FAT1: variants seen among roughly 807,000 people sequenced by gnomAD.
The protein encoded by FAT1 is FAT atypical cadherin 1.
In FAT1, 171 loss-of-function variants were observed where a neutral mutation model predicts 329.8. That is an observed-to-expected ratio of 0.52 (90% CI 0.46 to 0.59). The LOEUF (loss-of-function observed/expected upper bound fraction) is 0.59. FAT1 is among the 20% of genes least tolerant of loss of function. The probability of loss-of-function intolerance (pLI) is 0.00; values close to 1 mark genes in which losing one functional copy is unlikely to be tolerated. For synonymous variants in FAT1, 2,233 were observed against 2,228.6 expected, an observed-to-expected ratio of 1.00 and a Z score of -0.06; for missense variants, 5,672 against 5,774.4, an observed-to-expected ratio of 0.98 and a Z score of 0.57.
At chr4:186,714,689 C>T (rs544493717) in intron 1 of FAT1, among the ~76,000 whole-genome samples, 1 of 152,192 alleles carries the variant, frequency 6.6e-6, no homozygotes, top group Admixed American at 6.5e-5. Context: ...GGAAAGGGAA[C>T]CACAGCATAG....
rs775359684 is a variant in FAT1 at position 186,639,800 on chromosome 4, G to C, written c.3581-17C>G. ...TGATGAGACCTGTAAAATGATAACA[G>C]TTCATTAATCCTCACAAAATAAGGT... On this transcript the variant is annotated splice_polypyrimidine_tract_variant and intron_variant, in intron 3 of 26. Transcript: ENST00000441802. The C allele has an allele frequency of 6.3e-7, 1 of 1,597,232 alleles. No individual in the cohort carries two copies. Among genetic ancestry groups the C allele is most frequent in the East Asian group, 2.2e-5 (1 of 44,656 alleles).
chr4:186,696,450 T>C (rs775644819), intron 2 of FAT1, among the ~76,000 whole-genome samples: 3 of 152,148 alleles, frequency 2.0e-5, no homozygotes, highest in Non-Finnish European at 2.9e-5. Context: ...AAGAGGATCA[T>C]GGGACAAACA....
At position 186,600,214 on chromosome 4, in the gene FAT1, T is replaced by C. The variant is rs1738743326; in HGVS notation, c.11787A>G (p.Gln3929=). ...GGGCTGTGCCCGATGCAGTATGAAC[T>C]TGGTCTAGAACCAAGCGAGCATAGT... is the stretch of plus-strand genomic sequence containing the variant. ...NGNYARLVLD[Q]VHTASGTAPG... Residue 3929 remains glutamine (Q), a synonymous_variant, in exon 22 of 27, where the codon CAA becomes CAG. Transcript: ENST00000441802. 1 of 1,614,078 alleles carries C rather than the reference T, an allele frequency of 6.2e-7. No homozygotes were observed. Among genetic ancestry groups the C allele is most frequent in the South Asian group, 1.1e-5 (1 of 91,088 alleles).
At chr4:186,699,528 G>A (rs546086808) in intron 2 of FAT1, among the ~76,000 whole-genome samples, 1 of 152,308 alleles carries the variant, frequency 6.6e-6, no homozygotes, top group Non-Finnish European at 1.5e-5. Flanking sequence ...TGTCACTGCT[G>A]TGAAACTGGA....
chr4:186,599,995 C>T lies in FAT1; in HGVS notation c.12006G>A (p.Ser4002=), dbSNP rs780198819. 27 of 1,613,858 alleles carry T rather than the reference C, an allele frequency of 1.7e-5. No individual in the cohort carries two copies. The highest frequency in any genetic ancestry group is 4.0e-5 in the African/African-American group (3 of 74,916). ...KPRSYAHIEE[S]VDVSPGCFLT... ...GGAAGCAGCCTGGAGATACATCCACCGACTCTTCGATGTGTGCATAGCTTC... is the reference window on the plus strand; with the variant it reads ...GGAAGCAGCCTGGAGATACATCCACTGACTCTTCGATGTGTGCATAGCTTC... The change falls in exon 22 of 27, where the codon TCG becomes TCA. Residue 4002 remains serine (S), a synonymous_variant. Transcript: ENST00000441802.
At chr4:186,599,833 G>T in intron 22 of FAT1, 65 bp downstream of exon 22, 1 of 1,234,638 alleles carries the variant, frequency 8.1e-7, no homozygotes. Flanking sequence ...AAAAATACCT[G>T]GGGAGCTTCC....
intron 3 of FAT1, among the ~76,000 whole-genome samples, chr4:186,653,143 T>C (rs1741747420): frequency 6.6e-6 from 1 of 152,142 alleles, no homozygotes; most frequent in African/African-American, 2.4e-5. Flanking sequence ...ATGGGGGAGA[T>C]GATAAAGACC....
chr4:186,620,099 C>T lies in FAT1; in HGVS notation c.6487G>A (p.Ala2163Thr), dbSNP rs2126512372. The T allele has an allele frequency of 6.2e-7, 1 of 1,613,986 alleles. No individual in the cohort carries two copies. The highest frequency in any genetic ancestry group is 8.5e-7 in the Non-Finnish European group (1 of 1,179,896). ...TVVAKDGGNP[A>T]FSAEVIVPIT... ...GGAACGATAACTTCCGCTGAAAAGG[C>T]CGGGTTCCCTCCATCTTTTGCAACC... The change falls in exon 10 of 27, where the codon GCC (alanine) becomes ACC (threonine). Residue 2163 changes from alanine (A) to threonine (T), a missense_variant. Physicochemically the swap from Ala to Thr is moderately conservative, Grantham distance 58. Transcript: ENST00000441802.
intron 4 of FAT1, among the ~76,000 whole-genome samples, chr4:186,638,361 T>A (rs1015173483): frequency 6.6e-5 from 10 of 152,156 alleles, no homozygotes; most frequent in African/African-American, 2.4e-4. Context: ...TGGAGCAAAA[T>A]GTCAGTGTAA....
chr4:186,712,629 C>A (rs1011392701), intron 1 of FAT1, among the ~76,000 whole-genome samples: 1 of 152,080 alleles, frequency 6.6e-6, no homozygotes, highest in Non-Finnish European at 1.5e-5. Context: ...CAAAGAGAGA[C>A]CAGGGTCAGG....
intron 2 of FAT1, among the ~76,000 whole-genome samples, chr4:186,668,185 C>G (rs1265920171): frequency 6.6e-6 from 1 of 152,134 alleles, no homozygotes; most frequent in Non-Finnish European, 1.5e-5. Flanking sequence ...GCTTTTTAAT[C>G]TGTCAGCCCA....
intron 7 of FAT1, among the ~76,000 whole-genome samples, chr4:186,632,199 A>C (rs887397164): frequency 2.6e-5 from 4 of 152,236 alleles, no homozygotes; most frequent in Admixed American, 1.3e-4. Flanking sequence ...ATTTCATGCT[A>C]AACTTTTAAC....
intron 13 of FAT1, 35 bp downstream of exon 13, chr4:186,613,074 G>A: frequency 6.9e-7 from 1 of 1,457,550 alleles, no homozygotes; most frequent in Non-Finnish European, 9.5e-7. Context: ...GGATCTCAGT[G>A]AGCAGCGTCA....
Position 186,708,557 on chromosome 4 carries a change from T to C in FAT1, c.1271A>G (p.Glu424Gly). 1 of 1,613,970 alleles carries C rather than the reference T, an allele frequency of 6.2e-7. No homozygotes were observed. Among genetic ancestry groups the C allele is most frequent in the Non-Finnish European group, 8.5e-7 (1 of 1,179,884 alleles). ...GGCTGCCTGCTGTCTTTTAACTGGT[T>C]CTAAAATAGAAATGAGACCAGTGTT... ...NYNTGLISIL[E>G]PVKRQQAAHF... is the part of the protein sequence containing the mutation. Residue 424 changes from glutamate to glycine, a missense_variant, in exon 2 of 27, where the codon GAA (glutamate) becomes GGA (glycine). Transcript: ENST00000441802.
chr4:186,676,286 AAAAC>A (rs1313247109), intron 2 of FAT1, among the ~76,000 whole-genome samples: 1 of 150,648 alleles, frequency 6.6e-6, no homozygotes, highest in Non-Finnish European at 1.5e-5. Flanking sequence ...GTGAAAAAAA[AAAAC>A]AAAAAAAAAC....
chr4:186,599,198 T>TG (rs1738673757), intron 22 of FAT1, among the ~76,000 whole-genome samples: 2 of 152,186 alleles, frequency 1.3e-5, no homozygotes, highest in African/African-American at 2.4e-5. Flanking sequence ...CCTGGCCCAC[T>TG]CTACGCACAC....
At chr4:186,628,880 C>A in intron 7 of FAT1, 117 bp from the exon 8 acceptor site, 3 of 1,010,122 alleles carry the variant, frequency 3.0e-6, no homozygotes, top group Non-Finnish European at 4.2e-6. Context: ...AAATAAAATA[C>A]GAGAAAGGCA....
intron 10 of FAT1, among the ~76,000 whole-genome samples, chr4:186,617,457 T>A (rs1739767389): frequency 6.6e-6 from 1 of 152,218 alleles, no homozygotes; most frequent in African/African-American, 2.4e-5. Context: ...ATATTTATTA[T>A]ACACTAAGTA....
At position 186,639,740 on chromosome 4, in the gene FAT1, T is replaced by C. The variant is rs754160919; in HGVS notation, c.3624A>G (p.Gln1208=). The stretch of plus-strand genomic sequence containing the variant: ...AACTTACCTCTAATATGTGTTCATC[T>C]TGCTGTTCTCGGTCTAGCTTCCTTG... The part of the protein sequence containing the change: ...TTSRKLDREQ[Q]DEHILEVTVT... Residue 1208 remains glutamine (Q), a synonymous_variant, in exon 4 of 27, where the codon CAA becomes CAG. Transcript: ENST00000441802. 2 of 1,612,860 alleles carry C rather than the reference T, an allele frequency of 1.2e-6. No homozygotes were observed. Among genetic ancestry groups the C allele is most frequent in the East Asian group, 2.2e-5 (1 of 44,868 alleles).
Sources: gnomAD v4.1 joint callset for allele counts (sites outside exome capture counted in the v4.1 genomes callset) on GRCh38, gnomAD v4.1.1 for gene constraint, MANE v1.5 for transcripts, NCBI Gene and HGNC (gene_info 2026-07-23, HGNC 2026-07-21) for gene names.